The following FRMPD4 variants were observed in gnomAD, a reference collection of about 807,000 sequenced individuals.
FRMPD4 encodes FERM and PDZ domain containing 4.
Under a neutral mutation model 94.1 loss-of-function variants are expected in FRMPD4, and 22 were observed. The ratio of observed to expected loss-of-function variants is 0.23; its 90% CI spans 0.17 to 0.33. FRMPD4 has a LOEUF of 0.33. Among genes scored for constraint, FRMPD4 ranks in the 10% least tolerant of loss-of-function variants. The probability of loss-of-function intolerance (pLI) is 1.00; values close to 1 mark genes in which losing one functional copy is unlikely to be tolerated. For synonymous variants in FRMPD4, 631 were observed against 548.6 expected, an observed-to-expected ratio of 1.15 and a Z score of -2.10; for missense variants, 1,111 against 1,339.9, an observed-to-expected ratio of 0.83 and a Z score of 2.67.
intron 5 of FRMPD4, among the ~76,000 whole-genome samples, chrX:12,679,686 T>A (rs1385129814): frequency 8.9e-6 from 1 of 111,732 alleles, no homozygotes; most frequent in African/African-American, 3.3e-5. Context: ...ACTCCATCAA[T>A]GATTGACAGA....
intron 1 of FRMPD4, among the ~76,000 whole-genome samples, chrX:12,465,230 T>C (rs981966818): frequency 8.9e-6 from 1 of 112,129 alleles, no homozygotes; most frequent in African/African-American, 3.2e-5. Flanking sequence ...CTACACTATT[T>C]CTGGTTGATG....
At chrX:12,662,790 A>G (rs1289877713) in intron 4 of FRMPD4, among the ~76,000 whole-genome samples, 1 of 112,246 alleles carries the variant, frequency 8.9e-6, no homozygotes, top group Admixed American at 9.4e-5. Context: ...GTCTTCCACA[A>G]TGGTTGAACT....
At chrX:12,441,167 C>A (rs1417640812) in intron 1 of FRMPD4, among the ~76,000 whole-genome samples, 1 of 111,818 alleles carries the variant, frequency 8.9e-6, no homozygotes, top group East Asian at 2.8e-4. Flanking sequence ...AATCGCCAGC[C>A]CTTGCAGGAC....
chrX:12,334,303 G>T (rs904463989), intron 1 of FRMPD4, among the ~76,000 whole-genome samples: 7 of 110,983 alleles, frequency 6.3e-5, no homozygotes, highest in Non-Finnish European at 1.1e-4. Context: ...AAATGGAATT[G>T]CCCCCAGCCT....
At chrX:12,511,251 C>A (rs950370561) in intron 2 of FRMPD4, among the ~76,000 whole-genome samples, 2 of 111,330 alleles carry the variant, frequency 1.8e-5, no homozygotes, top group African/African-American at 6.5e-5. Flanking sequence ...AGAGGAAAAC[C>A]AGGCCCAATC....
intron 1 of FRMPD4, among the ~76,000 whole-genome samples, chrX:12,479,525 A>C (rs1406321959): frequency 1.9e-5 from 2 of 104,370 alleles, no homozygotes; most frequent in Non-Finnish European, 3.9e-5. Flanking sequence ...ATTTTGAGAC[A>C]GGGTCTCACT....
intron 2 of FRMPD4, among the ~76,000 whole-genome samples, chrX:12,541,308 T>A (rs2058408228): frequency 9.0e-6 from 1 of 111,192 alleles, no homozygotes; most frequent in Non-Finnish European, 1.9e-5. Flanking sequence ...GGGGCTGGTT[T>A]TTTGAAAAGA....
chrX:12,061,438 C>T (rs1213534035), intron 3 of FRMPD4, among the ~76,000 whole-genome samples: 1 of 111,646 alleles, frequency 9.0e-6, no homozygotes, highest in African/African-American at 3.3e-5. Flanking sequence ...AATTCTTATG[C>T]AAAAGAGGCA....
intron 16 of FRMPD4, among the ~76,000 whole-genome samples, chrX:12,720,271 A>C (rs1317417682): frequency 1.8e-5 from 2 of 111,863 alleles, no homozygotes; most frequent in Non-Finnish European, 3.8e-5. Flanking sequence ...ATCCCTGAAA[A>C]TGTTTGGGAT....
chrX:11,987,891 G>T (rs766317377), intron 3 of FRMPD4, among the ~76,000 whole-genome samples: 56 of 110,969 alleles, frequency 5.0e-4, no homozygotes, highest in Non-Finnish European at 9.1e-4. Flanking sequence ...AGAAGTGAAA[G>T]ATCTCTGTAA....
intron 3 of FRMPD4, among the ~76,000 whole-genome samples, chrX:12,084,329 C>T (rs1398943965): frequency 9.0e-6 from 1 of 111,142 alleles, no homozygotes; most frequent in East Asian, 2.8e-4. Context: ...TAAGAAGTGC[C>T]TTTTGCCTCC....
At chrX:12,045,226 T>C (rs931625010) in intron 3 of FRMPD4, among the ~76,000 whole-genome samples, 4 of 112,066 alleles carry the variant, frequency 3.6e-5, no homozygotes, top group Admixed American at 2.8e-4. Context: ...AGAGACCACA[T>C]GGCCTACAAA....
intron 3 of FRMPD4, among the ~76,000 whole-genome samples, chrX:12,022,069 C>T (rs149969650): frequency 0.012 from 1,314 of 112,203 alleles, 4 homozygotes; most frequent in South Asian, 0.017. Flanking sequence ...CCCAGGATCC[C>T]CTCCCATAGA....
chrX:12,505,412 T>C (rs2057970530), intron 2 of FRMPD4, among the ~76,000 whole-genome samples: 1 of 110,636 alleles, frequency 9.0e-6, no homozygotes, highest in Non-Finnish European at 1.9e-5. Context: ...CTTTTCAGTA[T>C]TGTCTGCACT....
At chrX:12,160,341 G>T (rs369901982) in intron 1 of FRMPD4, among the ~76,000 whole-genome samples, 79 of 111,601 alleles carry the variant, frequency 7.1e-4, no homozygotes, top group African/African-American at 2.5e-3. Flanking sequence ...ACACACTGTG[G>T]CATCTCTTTG....
At chrX:12,146,931 GA>G (rs962942151) in intron 1 of FRMPD4, among the ~76,000 whole-genome samples, 2 of 112,173 alleles carry the variant, frequency 1.8e-5, no homozygotes, top group Non-Finnish European at 3.8e-5. Flanking sequence ...GCTGACAGAT[GA>G]GGGGAGAGAA....
At chrX:12,702,062 A>C in intron 10 of FRMPD4, 52 bp downstream of exon 10, 1 of 1,132,073 alleles carries the variant, frequency 8.8e-7, no homozygotes, top group East Asian at 3.0e-5. Context: ...CGCCTCCCTT[A>C]GCCCGGGTGT....
intron 2 of FRMPD4, among the ~76,000 whole-genome samples, chrX:12,535,531 G>A (rs971554027): frequency 8.9e-6 from 1 of 112,138 alleles, no homozygotes; most frequent in Non-Finnish European, 1.9e-5. Flanking sequence ...AAATACCAAG[G>A]TTCAAATGTC....
At chrX:12,315,731 G>T (rs1035997338) in intron 1 of FRMPD4, among the ~76,000 whole-genome samples, 1 of 112,254 alleles carries the variant, frequency 8.9e-6, no homozygotes, top group Non-Finnish European at 1.9e-5. Context: ...TGTTGTCATG[G>T]GAGCTTGATA....
Sources: gnomAD v4.1 joint callset for allele counts (sites outside exome capture counted in the v4.1 genomes callset) on GRCh38, gnomAD v4.1.1 for gene constraint, MANE v1.5 for transcripts, NCBI Gene and HGNC (gene_info 2026-07-23, HGNC 2026-07-21) for gene names.